GLIS3: variants seen among roughly 807,000 people sequenced by gnomAD.
The protein encoded by GLIS3 is GLIS family zinc finger 3, also known as zinc finger protein GLIS3.
In GLIS3, 53 loss-of-function variants were observed where a neutral mutation model predicts 78.6. The ratio of observed to expected loss-of-function variants is 0.67; its 90% CI spans 0.54 to 0.85. The LOEUF is 0.85. Among genes scored for constraint, GLIS3 ranks in the 40% least tolerant of loss-of-function variants. The probability of loss-of-function intolerance (pLI) is 0.00; values close to 1 mark genes in which losing one functional copy is unlikely to be tolerated. For synonymous variants in GLIS3, 684 were observed against 509.9 expected (o/e 1.34, Z -4.60); for missense variants, 1,703 against 1,231.1 (o/e 1.38, Z -5.74).
chr9:4,062,384 T>C (rs1431098304), intron 4 of GLIS3, among the ~76,000 whole-genome samples: 3 of 152,188 alleles, frequency 2.0e-5, no homozygotes, highest in South Asian at 2.1e-4. Flanking sequence ...TCGTTTTGCT[T>C]CTGTACCCCA....
chr9:4,087,894 C>G (rs1243243788), intron 4 of GLIS3, among the ~76,000 whole-genome samples: 1 of 152,166 alleles, frequency 6.6e-6, no homozygotes, highest in Admixed American at 6.5e-5. Flanking sequence ...TTATCCATAC[C>G]TTGGTTACCT....
chr9:4,449,272 C>A, the GLIS3 span, among the ~76,000 whole-genome samples: 1 of 152,198 alleles, frequency 6.6e-6, no homozygotes, highest in Non-Finnish European at 1.5e-5. Context: ...GGGAGAGGGG[C>A]ATCTGCCATT....
chr9:4,104,947 G>C (rs1380546339), intron 4 of GLIS3, among the ~76,000 whole-genome samples: 2 of 152,188 alleles, frequency 1.3e-5, no homozygotes, highest in East Asian at 1.9e-4. Flanking sequence ...ATAGTTGTTA[G>C]AGGCCTTGCT....
At chr9:4,043,892 G>A (rs1477734957) in intron 4 of GLIS3, among the ~76,000 whole-genome samples, 1 of 152,174 alleles carries the variant, frequency 6.6e-6, no homozygotes, top group African/African-American at 2.4e-5. Context: ...TTGGGTTGGG[G>A]GCTCCCAGAT....
chr9:4,120,380 G>T (rs1450744635), intron 3 of GLIS3, among the ~76,000 whole-genome samples: 3 of 152,200 alleles, frequency 2.0e-5, no homozygotes, highest in Non-Finnish European at 2.9e-5. Context: ...ACATCCAGTT[G>T]CCCTTGACAT....
chr9:4,390,579 C>A, the GLIS3 span, among the ~76,000 whole-genome samples: 1 of 152,102 alleles, frequency 6.6e-6, no homozygotes, highest in Non-Finnish European at 1.5e-5. Context: ...ACGCTTATAC[C>A]CATGGGAGTG....
the GLIS3 span, among the ~76,000 whole-genome samples, chr9:4,389,217 C>A: frequency 4.6e-5 from 7 of 152,324 alleles, no homozygotes; most frequent in Non-Finnish European, 8.8e-5. Context: ...AGTTGCACAT[C>A]TGACAAAGGA....
chr9:4,347,767 C>G (rs754623935), intron 1 of GLIS3, among the ~76,000 whole-genome samples: 2 of 151,782 alleles, frequency 1.3e-5, no homozygotes, highest in Admixed American at 1.3e-4. Context: ...GGGAGTCTAT[C>G]GCTTTACAAT....
the GLIS3 span, among the ~76,000 whole-genome samples, chr9:4,480,357 A>T: frequency 6.6e-6 from 1 of 152,064 alleles, no homozygotes; most frequent in African/African-American, 2.4e-5. Flanking sequence ...GGCATGTGCC[A>T]TCACACCTGT....
chr9:4,416,841 G>A, the GLIS3 span, among the ~76,000 whole-genome samples: 4 of 99,866 alleles, frequency 4.0e-5, no homozygotes, highest in Admixed American at 1.2e-4. Context: ...TTTTTTAGAT[G>A]GAGTTTCACT....
At chr9:4,407,252 G>C in the GLIS3 span, among the ~76,000 whole-genome samples, 27 of 152,318 alleles carry the variant, frequency 1.8e-4, no homozygotes, top group Middle Eastern at 3.4e-3. Flanking sequence ...GCAGAAGAAT[G>C]AAACTAGACC....
intron 2 of GLIS3, among the ~76,000 whole-genome samples, chr9:4,233,779 G>T (rs1023471192): frequency 1.3e-5 from 2 of 152,180 alleles, no homozygotes; most frequent in Admixed American, 1.3e-4. Context: ...GTCCTAGATG[G>T]CATCTTCTTC....
Position 3,937,195 on chromosome 9 carries a change from A to T in GLIS3, c.1711-6T>A, listed in dbSNP as rs1349140540. 3 of 1,614,154 alleles carry T rather than the reference A, an allele frequency of 1.9e-6. No individual in the cohort carries two copies. The highest frequency in any genetic ancestry group is 1.7e-6 in the Non-Finnish European group (2 of 1,179,988). ...GCCTTCTCGCAACCTTCAAACTGCA[A>T]AAAGAAAACAATTTTTGGTGGTTGA... On this transcript the variant is annotated splice_region_variant and splice_polypyrimidine_tract_variant and intron_variant, in intron 4 of 10. Transcript: ENST00000381971.
the GLIS3 span, among the ~76,000 whole-genome samples, chr9:4,483,303 G>T: frequency 0.31 from 47,142 of 152,058 alleles, 8,368 homozygotes; most frequent in East Asian, 0.55. Flanking sequence ...ATGGAGCACA[G>T]CACATTAGAG....
chr9:4,166,214 A>G (rs191048046), intron 2 of GLIS3, among the ~76,000 whole-genome samples: 1 of 152,312 alleles, frequency 6.6e-6, no homozygotes. Flanking sequence ...ACTGTTAGCT[A>G]TAATCAATAC....
chr9:4,134,208 T>G (rs759744984), intron 2 of GLIS3, among the ~76,000 whole-genome samples: 10 of 152,152 alleles, frequency 6.6e-5, no homozygotes, highest in Non-Finnish European at 1.5e-4. Context: ...GAAGTAGAGT[T>G]GAAAGCCAAT....
At chr9:4,142,194 T>C (rs1456866298) in intron 2 of GLIS3, among the ~76,000 whole-genome samples, 2 of 152,228 alleles carry the variant, frequency 1.3e-5, no homozygotes, top group Admixed American at 6.5e-5. Flanking sequence ...GTTGTGCTTA[T>C]GTTCTCCCTA....
chr9:4,449,774 C>A, the GLIS3 span, among the ~76,000 whole-genome samples: 6 of 152,076 alleles, frequency 3.9e-5, no homozygotes, highest in Non-Finnish European at 5.9e-5. Flanking sequence ...AAGAAAAAAA[C>A]AACAAACAGA....
the GLIS3 span, among the ~76,000 whole-genome samples, chr9:4,405,423 G>C: frequency 6.6e-6 from 1 of 151,778 alleles, no homozygotes; most frequent in African/African-American, 2.4e-5. Context: ...AAATTCAAAT[G>C]ATCATTAGTG....
Sources: allele counts gnomAD v4.1 joint callset (sites outside exome capture counted in the v4.1 genomes callset), GRCh38; gene constraint gnomAD v4.1.1; transcripts MANE v1.5; gene names NCBI Gene and HGNC (gene_info 2026-07-23, HGNC 2026-07-21).